LRIF1: variants seen among roughly 807,000 people sequenced by gnomAD.
The protein encoded by LRIF1 is ligand-dependent nuclear receptor-interacting factor 1.
In LRIF1, 32 loss-of-function variants were observed where a neutral mutation model predicts 52.7. The ratio of observed to expected loss-of-function variants is 0.61; its 90% CI spans 0.46 to 0.82. The LOEUF (loss-of-function observed/expected upper bound fraction) is 0.82, where lower values mean the gene tolerates loss of function less well. LRIF1 is among the 40% of genes least tolerant of loss of function. The probability of loss-of-function intolerance (pLI) is 0.00; values close to 1 mark genes in which losing one functional copy is unlikely to be tolerated. For synonymous variants in LRIF1, 323 were observed against 317.4 expected, an observed-to-expected ratio of 1.02 and a Z score of -0.19; for missense variants, 887 against 892.0, an observed-to-expected ratio of 0.99 and a Z score of 0.07.
At chr1:110,913,073 G>T in the LRIF1 span, among the ~76,000 whole-genome samples, 7 of 152,126 alleles carry the variant, frequency 4.6e-5, no homozygotes, top group Non-Finnish European at 1.0e-4. Flanking sequence ...AATGGGGAAA[G>T]GACTCCCTAT....
Position 110,957,021 on chromosome 1 carries a change from C to CA in LRIF1, c.69-4207dup, listed in dbSNP as rs1488041302. Among the ~76,000 whole-genome samples, 5 of 152,238 alleles carry CA rather than the reference C, an allele frequency of 3.3e-5. No homozygotes were observed. The South Asian group carries it at 1.0e-3, about 32-fold the overall frequency. On this transcript the variant is annotated intron_variant, in intron 1 of 3. Coordinates refer to ENST00000369763, the MANE Select transcript of LRIF1 (RefSeq NM_018372.4). ...CCTCCATATTGATCCTCTTACCTAT[C>CA]ATAGTTTCCACTGTGTACAACCTCT...
chr1:110,900,432 T>C, the LRIF1 span, among the ~76,000 whole-genome samples: 4 of 152,164 alleles, frequency 2.6e-5, no homozygotes, highest in Non-Finnish European at 4.4e-5. Flanking sequence ...AGTGGCACAA[T>C]CTCGGCTCAC....
Position 110,952,393 on chromosome 1 carries a change from A to T in LRIF1, c.491T>A (p.Val164Glu), listed in dbSNP as rs781181861. The change falls in exon 2 of 4, where the codon GTA (valine) becomes GAA (glutamate). Residue 164 changes from valine to glutamate, a missense_variant. Transcript: ENST00000369763. Reference sequence around the variant, plus strand: ...CACTGGAAGACTCTGGGTATTAACTACAATAAAAGATGAGTCTTTTTGTGT... The same window carrying T: ...CACTGGAAGACTCTGGGTATTAACTTCAATAAAAGATGAGTCTTTTTGTGT... ...PSTQKDSSFI[V>E]VNTQSLPVTV... 2 of 1,613,686 alleles carry T rather than the reference A, an allele frequency of 1.2e-6. No individual in the cohort carries two copies. The highest frequency in any genetic ancestry group is 1.7e-6 in the Non-Finnish European group (2 of 1,179,580).
chr1:110,889,433 C>T, the LRIF1 span, among the ~76,000 whole-genome samples: 1 of 152,024 alleles, frequency 6.6e-6, no homozygotes, highest in Non-Finnish European at 1.5e-5. Context: ...GTGACGGGCG[C>T]CTGTAACCCA....
At chr1:110,912,936 A>G in the LRIF1 span, among the ~76,000 whole-genome samples, 1 of 152,248 alleles carries the variant, frequency 6.6e-6, no homozygotes. Context: ...ACTATACTGC[A>G]ACACTATAGT....
the LRIF1 span, among the ~76,000 whole-genome samples, chr1:110,901,483 T>TTG: frequency 6.8e-6 from 1 of 147,320 alleles, no homozygotes; most frequent in African/African-American, 2.5e-5. Context: ...CGGCCTTTTT[T>TTG]TTTTTTTTTT....
At position 110,947,890 on chromosome 1, in the gene LRIF1, C is replaced by T; in HGVS notation, c.*69G>A. 6.6e-7 allele frequency: 1 copy of T among 1,510,534 alleles called. No homozygotes were observed. The highest frequency in any genetic ancestry group is 1.4e-5 in the South Asian group (1 of 72,908). 93.6% of individuals were successfully genotyped at this position (1,510,534 alleles called of 1,614,324 possible). The stretch of plus-strand genomic sequence containing the variant: ...CAAAGACACTTTCAGAACACACCTA[C>T]AATTAACTTATTAATGCTGAAGTAT... On this transcript the variant is annotated 3_prime_UTR_variant, in exon 4 of 4. Coordinates refer to ENST00000369763, the MANE Select transcript of LRIF1 (RefSeq NM_018372.4).
downstream of LRIF1, among the ~76,000 whole-genome samples, chr1:110,942,751 A>G (rs1250949598): frequency 1.3e-5 from 2 of 152,092 alleles, no homozygotes; most frequent in Non-Finnish European, 2.9e-5. Flanking sequence ...AAGATACAGA[A>G]GATCTTGGTT....
the LRIF1 span, among the ~76,000 whole-genome samples, chr1:110,882,700 G>A: frequency 5.9e-5 from 9 of 151,902 alleles, no homozygotes; most frequent in Non-Finnish European, 1.0e-4. Flanking sequence ...GATGGACGTG[G>A]TATATCTCTC....
intron 1 of LRIF1, among the ~76,000 whole-genome samples, chr1:110,955,242 A>AT (rs2101115112): frequency 6.6e-6 from 1 of 152,278 alleles, no homozygotes; most frequent in South Asian, 2.1e-4. Context: ...TATTCCTTAT[A>AT]TTCAGTGATC....
chr1:110,946,357 A>G (rs998006742), downstream of LRIF1, among the ~76,000 whole-genome samples: 1 of 152,208 alleles, frequency 6.6e-6, no homozygotes, highest in Non-Finnish European at 1.5e-5. Context: ...ATGACTGCTA[A>G]TGGGTATAAG....
downstream of LRIF1, chr1:110,944,717 T>A (rs997616279): frequency 6.6e-6 from 1 of 152,288 alleles, no homozygotes; most frequent in Non-Finnish European, 1.5e-5. Flanking sequence ...TTAAAAATTT[T>A]AAAAACAAAA....
At position 110,951,688 on chromosome 1, in the gene LRIF1, A is replaced by G. The variant is rs1425311619; in HGVS notation, c.1196T>C (p.Val399Ala). Residue 399 changes from valine (V) to alanine (A), a missense_variant, in exon 2 of 4, where the codon GTG (valine) becomes GCG (alanine). Val to Ala is a moderately conservative substitution (Grantham distance 64). Transcript: ENST00000369763. ...TPVRKDTLQT[V>A]SSSPVTEISR... ...TATTTCTGTGACTGGACTTGAACTC[A>G]CTGTCTGTAACGTGTCTTTTCTTAC... is the stretch of plus-strand genomic sequence containing the variant. 1.2e-6 allele frequency: 2 copies of G among 1,614,058 alleles called. No individual in the cohort carries two copies. Among genetic ancestry groups the G allele is most frequent in the East Asian group, 2.2e-5 (1 of 44,880 alleles).
the LRIF1 span, chr1:110,939,978 G>A: frequency 5.3e-5 from 8 of 152,046 alleles, no homozygotes; most frequent in Non-Finnish European, 7.4e-5. Context: ...AGCAAAAACG[G>A]ACAAATGGGA....
the LRIF1 span, among the ~76,000 whole-genome samples, chr1:110,916,826 G>A: frequency 6.6e-6 from 1 of 152,236 alleles, no homozygotes; most frequent in East Asian, 1.9e-4. Flanking sequence ...GAAATAAAGA[G>A]GGTCACTTTA....
rs1187059875 is a variant in LRIF1, at chr1:110,948,283, A to G, written c.1986T>C (p.Gly662=). 3 of 1,613,902 alleles carry G rather than the reference A, an allele frequency of 1.9e-6. No individual in the cohort carries two copies. In the African/African-American group the frequency reaches 4.0e-5, roughly 22 times the overall value. The part of the protein sequence containing the change: ...AIINGEANVT[G]SQLLSSILPT... The stretch of plus-strand genomic sequence containing the variant: ...GTAAAATACTGCTTAGGAGTTGGGA[A>G]CCGGTGACATTAGCTTCCCCATTTA... Residue 662 remains glycine (G), a synonymous_variant, in exon 4 of 4, where the codon GGT becomes GGC. Transcript: ENST00000369763.
chr1:110,877,779 C>G, the LRIF1 span, among the ~76,000 whole-genome samples: 1 of 152,168 alleles, frequency 6.6e-6, no homozygotes, highest in Non-Finnish European at 1.5e-5. Context: ...TGAATGGACA[C>G]GAATACATGA....
At chr1:110,923,950 G>A in the LRIF1 span, among the ~76,000 whole-genome samples, 1 of 151,964 alleles carries the variant, frequency 6.6e-6, no homozygotes, top group African/African-American at 2.4e-5. Context: ...CTAGAAACAG[G>A]TTCTTTCAAA....
chr1:110,953,551 A>C (rs1038267208), intron 1 of LRIF1, among the ~76,000 whole-genome samples: 1 of 152,216 alleles, frequency 6.6e-6, no homozygotes, highest in African/African-American at 2.4e-5. Context: ...ACTGGAAATC[A>C]ATTTTTTTTA....
Sources: allele counts gnomAD v4.1 joint callset (sites outside exome capture counted in the v4.1 genomes callset), GRCh38; gene constraint gnomAD v4.1.1; transcripts MANE v1.5; gene names NCBI Gene and HGNC (gene_info 2026-07-23, HGNC 2026-07-21).